The following GRM8 variants were observed in gnomAD, a reference collection of about 807,000 sequenced individuals.
GRM8 encodes glutamate metabotropic receptor 8.
A neutral mutation model predicts 87.2 loss-of-function variants in GRM8; 47 were observed. The ratio of observed to expected loss-of-function variants is 0.54; its 90% CI spans 0.43 to 0.69. The LOEUF (loss-of-function observed/expected upper bound fraction) is 0.69. Ranked by LOEUF, GRM8 falls within the 30% of genes least tolerant of loss-of-function variation. The probability of loss-of-function intolerance (pLI) is 0.00; values close to 1 mark genes in which losing one functional copy is unlikely to be tolerated. For missense variants in GRM8, 1,019 were observed against 1,139.2 expected, an observed-to-expected ratio of 0.89 and a Z score of 1.52; for synonymous variants, 396 against 404.5, an observed-to-expected ratio of 0.98 and a Z score of 0.25.
chr7:127,110,392 C>T (rs908947623), intron 2 of GRM8, among the ~76,000 whole-genome samples: 1 of 152,136 alleles, frequency 6.6e-6, no homozygotes, highest in Admixed American at 6.5e-5. Flanking sequence ...TACCACTGTC[C>T]CTAGGTGACT....
chr7:126,972,786 C>A (rs1465903759), intron 3 of GRM8, among the ~76,000 whole-genome samples: 1 of 152,168 alleles, frequency 6.6e-6, no homozygotes, highest in Non-Finnish European at 1.5e-5. Context: ...AAAGCTCTCC[C>A]AACTAGTATG....
At chr7:126,627,571 T>C (rs962125688) in intron 7 of GRM8, among the ~76,000 whole-genome samples, 2 of 152,156 alleles carry the variant, frequency 1.3e-5, no homozygotes, top group Admixed American at 6.5e-5. Flanking sequence ...ATCTAGGACC[T>C]TCAGTACAAT....
chr7:126,761,328 T>A (rs1344461036), intron 7 of GRM8, among the ~76,000 whole-genome samples: 2 of 152,046 alleles, frequency 1.3e-5, no homozygotes, highest in Admixed American at 1.3e-4. Context: ...TAAAGAGAGA[T>A]CATTGGGGAA....
chr7:126,713,868 T>G (rs751440700), intron 7 of GRM8, among the ~76,000 whole-genome samples: 2 of 152,018 alleles, frequency 1.3e-5, no homozygotes, highest in Non-Finnish European at 2.9e-5. Context: ...ATTGTACACA[T>G]TGTACACCTT....
intron 2 of GRM8, among the ~76,000 whole-genome samples, chr7:127,218,609 T>C (rs1796719668): frequency 6.6e-6 from 1 of 152,158 alleles, no homozygotes; most frequent in Admixed American, 6.5e-5. Flanking sequence ...GCGTCAGCCA[T>C]GATGATCCAG....
intron 8 of GRM8, among the ~76,000 whole-genome samples, chr7:126,568,851 G>A (rs1794459004): frequency 6.6e-6 from 1 of 152,044 alleles, no homozygotes. Context: ...TAATAAGTTG[G>A]AAATCATTTC....
chr7:126,960,132 A>C (rs984108630), intron 3 of GRM8, among the ~76,000 whole-genome samples: 4 of 152,112 alleles, frequency 2.6e-5, no homozygotes, highest in Admixed American at 6.5e-5. Context: ...AGAAAACGAC[A>C]CTAATCAATC....
chr7:126,512,198 A>T (rs758909578), intron 9 of GRM8: 1 of 152,112 alleles, frequency 6.6e-6, no homozygotes, highest in Non-Finnish European at 1.5e-5. Flanking sequence ...CCCCAGAGGA[A>T]GTTAGAGAAT....
chr7:126,468,675 CA>C (rs1166600970), intron 9 of GRM8, among the ~76,000 whole-genome samples: 1 of 151,956 alleles, frequency 6.6e-6, no homozygotes, highest in African/African-American at 2.4e-5. Flanking sequence ...TGTCTGTGTC[CA>C]AAAAAGAAAG....
chr7:126,763,056 T>C (rs1016724073), intron 7 of GRM8, among the ~76,000 whole-genome samples: 3 of 151,818 alleles, frequency 2.0e-5, no homozygotes, highest in African/African-American at 7.3e-5. Flanking sequence ...ATAGTTTATA[T>C]CAATTCATGT....
chr7:127,010,238 G>C (rs1164919893), intron 3 of GRM8, among the ~76,000 whole-genome samples: 1 of 152,058 alleles, frequency 6.6e-6, no homozygotes, highest in African/African-American at 2.4e-5. Flanking sequence ...AACAGAACTG[G>C]CCAATATTTA....
intron 7 of GRM8, among the ~76,000 whole-genome samples, chr7:126,651,036 T>C (rs1461723441): frequency 1.3e-5 from 2 of 152,254 alleles, no homozygotes; most frequent in Admixed American, 6.5e-5. Context: ...GTTGATTATA[T>C]TGGACCTGTT....
intron 9 of GRM8, among the ~76,000 whole-genome samples, chr7:126,447,689 A>C (rs1467934591): frequency 1.3e-5 from 2 of 151,988 alleles, no homozygotes; most frequent in Admixed American, 6.6e-5. Flanking sequence ...CTTTTCCTAG[A>C]GGAGAAGGTT....
At chr7:126,814,326 G>A (rs1002729723) in intron 6 of GRM8, among the ~76,000 whole-genome samples, 1 of 152,024 alleles carries the variant, frequency 6.6e-6, no homozygotes, top group Admixed American at 6.6e-5. Context: ...AACTGTTCTT[G>A]AACCTCCCCT....
At chr7:127,052,980 A>T (rs6964926) in intron 3 of GRM8, among the ~76,000 whole-genome samples, 43,150 of 152,000 alleles carry the variant, frequency 0.28, 6,982 homozygotes, top group African/African-American at 0.45. Flanking sequence ...AAATATTTCC[A>T]ATGTACAAAA....
chr7:127,036,964 C>T lies in GRM8; in HGVS notation c.727+69532G>A, dbSNP rs573400909. Among the ~76,000 whole-genome samples the T allele has an allele frequency of 2.6e-5, 4 of 152,180 alleles. No homozygotes were observed. In the East Asian group the frequency reaches 7.7e-4, roughly 29 times the overall value. On this transcript the variant is annotated intron_variant, in intron 3 of 10. Coordinates refer to ENST00000339582, the MANE Select transcript of GRM8 (RefSeq NM_000845.3). The stretch of plus-strand genomic sequence containing the variant: ...ATTTAATGACCCACATTTACCTTTC[C>T]TTTTAATTTTCTCCTGCTTTTAATT...
At chr7:127,149,162 C>G (rs1290090253) in intron 2 of GRM8, among the ~76,000 whole-genome samples, 1 of 151,940 alleles carries the variant, frequency 6.6e-6, no homozygotes, top group Non-Finnish European at 1.5e-5. Flanking sequence ...AAAAAAAATA[C>G]TGCAAACTAT....
intron 7 of GRM8, among the ~76,000 whole-genome samples, chr7:126,652,688 C>T (rs748726642): frequency 6.6e-6 from 1 of 152,206 alleles, no homozygotes; most frequent in Non-Finnish European, 1.5e-5. Flanking sequence ...AGTTCTTCAG[C>T]TTTGGGGCTC....
At chr7:127,102,572 A>T (rs1825395007) in intron 3 of GRM8, among the ~76,000 whole-genome samples, 1 of 152,222 alleles carries the variant, frequency 6.6e-6, no homozygotes, top group Non-Finnish European at 1.5e-5. Flanking sequence ...GATATTGCTC[A>T]TGCCACTGCT....
Sources: gnomAD v4.1 joint callset for allele counts (sites outside exome capture counted in the v4.1 genomes callset) on GRCh38, gnomAD v4.1.1 for gene constraint, MANE v1.5 for transcripts, NCBI Gene and HGNC (gene_info 2026-07-23, HGNC 2026-07-21) for gene names.